Variants in MAN2B1 observed in about 807,000 individuals in gnomAD.
The protein encoded by MAN2B1 is lysosomal alpha-mannosidase.
Under a neutral mutation model 127.5 loss-of-function variants are expected in MAN2B1, and 99 were observed. That is an observed-to-expected ratio of 0.78 (90% confidence interval 0.66 to 0.92). The LOEUF is 0.92. MAN2B1 is among the 40% of genes least tolerant of loss of function. The pLI, the probability that MAN2B1 is intolerant of heterozygous loss-of-function variation, is 0.00. For missense variants in MAN2B1, 1,304 were observed against 1,384.8 expected (o/e 0.94, Z 0.93); for synonymous variants, 573 against 568.8 (o/e 1.01, Z -0.11).
chr19:12,664,658 A>AGGGGCAGGGCTTCAACAGGCCT, intron 4 of MAN2B1, 134 bp downstream of exon 4: 1 of 960,908 alleles, frequency 1.0e-6, no homozygotes, highest in Admixed American at 2.1e-5. Flanking sequence ...GGCTCACTCA[A>AGGGGCAGGGCTTCAACAGGCCT]GGGGCAGGGC....
At chr19:12,663,564 C>A (rs1005605392) in intron 5 of MAN2B1, 102 bp from the exon 6 acceptor site, 1 of 1,563,306 alleles carries the variant, frequency 6.4e-7, no homozygotes. Context: ...AATTTGTGTC[C>A]CAATGCAAAA....
rs1363834626 is a variant in MAN2B1 at position 12,664,856 on chromosome 19, G to T, written c.566C>A (p.Pro189His). The change falls in exon 4 of 24, where the codon CCC becomes CAC. Residue 189 changes from proline to histidine, a missense_variant. By Grantham distance (77) the Pro-to-His change is moderately conservative. Coordinates refer to ENST00000456935, the MANE Select transcript of MAN2B1 (RefSeq NM_000528.4). ...GGGGTCAATGTGCCAGGCCACACGG[G>T]GTCGCCCATCATTGCCAAATGTGTC... is the stretch of plus-strand genomic sequence containing the variant. ...LEDTFGNDGR[P>H]RVAWHIDPFG... 5.6e-6 allele frequency: 9 copies of T among 1,613,846 alleles called. No individual in the cohort carries two copies. The highest frequency in any genetic ancestry group is 7.6e-6 in the Non-Finnish European group (9 of 1,179,966).
At chr19:12,657,159 A>C in intron 11 of MAN2B1, 103 bp from the exon 12 acceptor site, 1 of 772,930 alleles carries the variant, frequency 1.3e-6, no homozygotes, top group Non-Finnish European at 2.2e-6. Flanking sequence ...CGCCTCCCTC[A>C]AGAGTCGCCC....
At chr19:12,650,973 CT>C (rs60721799) in intron 16 of MAN2B1, among the ~76,000 whole-genome samples, 12,394 of 130,196 alleles carry the variant, frequency 0.095, 623 homozygotes, top group African/African-American at 0.18. Flanking sequence ...CACCCGGCCT[CT>C]TTTTTTTTTT....
At position 12,655,734 on chromosome 19, in the gene MAN2B1, G is replaced by C. The variant is rs761703995; in HGVS notation, c.1790C>G (p.Pro597Arg). The C allele has an allele frequency of 4.3e-6, 7 of 1,609,298 alleles. No individual in the cohort carries two copies. The South Asian group carries it at 6.6e-5, about 15-fold the overall frequency. The change falls in exon 14 of 24, where the codon CCC (proline) becomes CGC (arginine). Residue 597 changes from proline to arginine, a missense_variant. Pro to Arg is a moderately radical substitution (Grantham distance 103). Coordinates refer to ENST00000456935, the MANE Select transcript of MAN2B1 (RefSeq NM_000528.4). ...KPQARAPQPIPRRSWSPALTI... is the reference protein window; with the variant it reads ...KPQARAPQPIRRRSWSPALTI... ...TAAAGCAGGGGACCAGGATCTTCTG[G>C]GGATGGGCTGTGGTGCGCGGGCCTG...
At chr19:12,650,428 G>C (rs1218609938) in intron 16 of MAN2B1, among the ~76,000 whole-genome samples, 1 of 147,926 alleles carries the variant, frequency 6.8e-6, no homozygotes, top group Non-Finnish European at 1.5e-5. Context: ...GCGCGATCTC[G>C]GCTCACTGCA....
intron 16 of MAN2B1, among the ~76,000 whole-genome samples, 159 bp downstream of exon 16, chr19:12,651,994 C>T (rs2145238510): frequency 6.6e-6 from 1 of 152,220 alleles, no homozygotes; most frequent in East Asian, 1.9e-4. Context: ...TATGGAAGGA[C>T]CCTCAAATAT....
rs528580176 is a variant in MAN2B1 at position 12,656,625 on chromosome 19, G to A, written c.1590C>T (p.Val530=). Residue 530 remains valine, a synonymous_variant, in exon 13 of 24, where the codon GTC becomes GTT. Coordinates refer to ENST00000456935, the MANE Select transcript of MAN2B1 (RefSeq NM_000528.4). ...RKVNWMVRLP[V]SEGVFVVKDP... ...CCTTCACAACGAAAACGCCTTCGCT[G>A]ACCGGCAGCCGTACCATCCAATTCA... 3.1e-6 allele frequency: 5 copies of A among 1,613,994 alleles called. No homozygotes were observed. In the South Asian group the frequency reaches 4.4e-5, roughly 14 times the overall value.
chr19:12,657,689 T>C (rs2024002244), intron 10 of MAN2B1, 134 bp from the exon 11 acceptor site: 2 of 806,554 alleles, frequency 2.5e-6, no homozygotes, highest in Non-Finnish European at 4.2e-6. Context: ...CTGGGGGCGG[T>C]GGCTCACGCC....
intron 1 of MAN2B1, among the ~76,000 whole-genome samples, chr19:12,666,225 C>T (rs1241336584): frequency 6.6e-6 from 1 of 152,016 alleles, no homozygotes; most frequent in Non-Finnish European, 1.5e-5. Flanking sequence ...TCCAGAGTCC[C>T]AGCTCTCAGC....
Position 12,649,134 on chromosome 19 carries a change from A to G in MAN2B1, c.2436+2T>C, listed in dbSNP as rs398123457. 1 of 1,611,624 alleles carries G rather than the reference A, an allele frequency of 6.2e-7. No individual in the cohort carries two copies. The highest frequency in any genetic ancestry group is 8.5e-7 in the Non-Finnish European group (1 of 1,179,614). On this transcript the variant is annotated splice_donor_variant, in intron 20 of 23. Coordinates refer to ENST00000456935, the MANE Select transcript of MAN2B1 (RefSeq NM_000528.4). LOFTEE classifies it high-confidence loss of function. ...GCTCGGATGGGGCTCTGACCCACTC[A>G]CCATGAGCTCCAGCGAGCCATCTCT...
chr19:12,646,652 C>T lies in MAN2B1; in HGVS notation c.3004G>A (p.Ala1002Thr), dbSNP rs1294764488. 2.5e-6 allele frequency: 4 copies of T among 1,613,836 alleles called. No homozygotes were observed. The highest frequency in any genetic ancestry group is 3.3e-5 in the Admixed American group (2 of 59,986). ...TCCACCTCCTTCCATTGAACTGAGG[C>T]CAGGAAAGTGCGGATTTCCATGGGT... Reference protein sequence around the residue: ...LEPMEIRTFLASVQWKEVDG With the variant: ...LEPMEIRTFLTSVQWKEVDG Residue 1002 changes from alanine (A) to threonine (T), a missense_variant, in exon 24 of 24, where the codon GCC becomes ACC. Transcript: ENST00000456935.
rs864621977 is a variant in MAN2B1 at position 12,664,832 on chromosome 19, G to C, written c.590C>G (p.Pro197Arg). The change falls in exon 4 of 24, where the codon CCC becomes CGC. Residue 197 changes from proline (P) to arginine (R), a missense_variant. By Grantham distance (103) the Pro-to-Arg change is moderately radical (BLOSUM62 -2). Transcript: ENST00000456935. ...GRPRVAWHIDPFGHSREQASL... is the reference protein window; with the variant it reads ...GRPRVAWHIDRFGHSREQASL... ...GGCCTGCTCCCGAGAGTGGCCGAAG[G>C]GGTCAATGTGCCAGGCCACACGGGG... 1 of 1,613,882 alleles carries C rather than the reference G, an allele frequency of 6.2e-7. No homozygotes were observed. The highest frequency in any genetic ancestry group is 8.5e-7 in the Non-Finnish European group (1 of 1,179,954).
At chr19:12,646,910 G>A (rs2023701762) in intron 23 of MAN2B1, 178 bp from the exon 24 acceptor site, 2 of 627,454 alleles carry the variant, frequency 3.2e-6, no homozygotes, top group Non-Finnish European at 2.9e-6. Flanking sequence ...CAGGTCCAAT[G>A]TCCTCATACC....
rs747424062 is a variant in MAN2B1 at position 12,647,605 on chromosome 19, G to A, written c.2665-7C>T. ...CCCTGCGCAGCCCTGAGAACTGCGGGAGAGAGGGCGGGGCTGAGTTGGAGA... is the reference window on the plus strand; with the variant it reads ...CCCTGCGCAGCCCTGAGAACTGCGGAAGAGAGGGCGGGGCTGAGTTGGAGA... On this transcript the variant is annotated splice_polypyrimidine_tract_variant and splice_region_variant and intron_variant, in intron 21 of 23. Transcript: ENST00000456935. The surrounding 1 kb of genome is among the most constrained non-coding windows in gnomAD (Gnocchi z 4.9). 6.2e-7 allele frequency: 1 copy of A among 1,610,144 alleles called. No individual in the cohort carries two copies. The highest frequency in any genetic ancestry group is 2.2e-5 in the East Asian group (1 of 44,816).
chr19:12,657,567 C>G lies in MAN2B1; in HGVS notation c.1310-12G>C. On this transcript the variant is annotated splice_polypyrimidine_tract_variant and intron_variant, in intron 10 of 23. Transcript: ENST00000456935. The stretch of plus-strand genomic sequence containing the variant: ...AGCCATCGCCTCATCTGCTCATAGA[C>G]AATGAGTCCGGTGAGGTTCTGTGGG... 6.4e-7 allele frequency: 1 copy of G among 1,551,538 alleles called. No individual in the cohort carries two copies. The highest frequency in any genetic ancestry group is 8.7e-7 in the Non-Finnish European group (1 of 1,146,098).
Position 12,658,287 on chromosome 19 carries a change from G to A in MAN2B1, c.1167C>T (p.Thr389=), listed in dbSNP as rs762375074. ...GGGCCGGCCGACTGGAAAAGTAACC[G>A]GTCCAGAACTGGTGGGGGCCATCCG... The part of the protein sequence containing the change: ...PYADGPHQFW[T]GYFSSRPALK... The change falls in exon 9 of 24, where the codon ACC becomes ACT. Residue 389 remains threonine (T), a synonymous_variant. Transcript: ENST00000456935. 2.9e-5 allele frequency: 47 copies of A among 1,614,064 alleles called. No homozygotes were observed. In the Admixed American group the frequency reaches 3.5e-4, roughly 12 times the overall value.
intron 21 of MAN2B1, 28 bp downstream of exon 21, chr19:12,648,147 C>A: frequency 6.6e-7 from 1 of 1,523,656 alleles, no homozygotes; most frequent in Non-Finnish European, 8.8e-7. Flanking sequence ...TCAATCCGGT[C>A]CTCTCTGCCT....
intron 7 of MAN2B1, among the ~76,000 whole-genome samples, chr19:12,659,440 TA>T (rs1376162462): frequency 2.0e-5 from 3 of 151,952 alleles, no homozygotes; most frequent in African/African-American, 7.2e-5. Context: ...TAGCTGGTCT[TA>T]CAGATGAGTG....
Sources: allele counts gnomAD v4.1 joint callset (sites outside exome capture counted in the v4.1 genomes callset), GRCh38; gene constraint gnomAD v4.1.1; non-coding constraint Gnocchi (gnomAD v3.1); transcripts MANE v1.5; gene names NCBI Gene and HGNC (gene_info 2026-07-23, HGNC 2026-07-21).